Variants in CNTN4 observed in about 807,000 individuals in gnomAD.
CNTN4 encodes contactin 4.
In CNTN4, 77 loss-of-function variants were observed where a neutral mutation model predicts 122.5. The ratio of observed to expected loss-of-function variants is 0.63; its 90% CI spans 0.52 to 0.76. The LOEUF (loss-of-function observed/expected upper bound fraction) is 0.76. Among genes scored for constraint, CNTN4 ranks in the 30% least tolerant of loss-of-function variants. The probability of loss-of-function intolerance (pLI) is 0.00; values close to 1 mark genes in which losing one functional copy is unlikely to be tolerated. For synonymous variants in CNTN4, 512 were observed against 447.0 expected, an observed-to-expected ratio of 1.15 and a Z score of -1.83; for missense variants, 1,256 against 1,259.1, an observed-to-expected ratio of 1.00 and a Z score of 0.04.
intron 2 of CNTN4, among the ~76,000 whole-genome samples, chr3:2,335,212 T>A (rs2043897065): frequency 1.3e-5 from 2 of 152,158 alleles, no homozygotes; most frequent in Non-Finnish European, 2.9e-5. Flanking sequence ...CACATGTGAT[T>A]TTATTTAGTT....
intron 3 of CNTN4, among the ~76,000 whole-genome samples, chr3:2,352,699 C>T (rs1045108984): frequency 1.3e-5 from 2 of 152,198 alleles, no homozygotes; most frequent in Non-Finnish European, 2.9e-5. Context: ...TGGCTGGAGC[C>T]TCTCCGACAG....
chr3:2,108,183 T>TTTTC (rs760932599), intron 2 of CNTN4, among the ~76,000 whole-genome samples: 1 of 137,800 alleles, frequency 7.3e-6, no homozygotes, highest in Non-Finnish European at 1.6e-5. Flanking sequence ...TTTTTTTTTT[T>TTTTC]CATGACTGTT....
rs968052856 is a variant in CNTN4, at chr3:2,588,073, GT to G, written c.55+16525del. ...TTCTCTTTAATTTTTTATTAATTAT[GT>G]TTTTTTTTTACTTGAAGGAACTTTA... On this transcript the variant is annotated intron_variant, in intron 4 of 24. Coordinates refer to ENST00000418658, the MANE Select transcript of CNTN4 (RefSeq NM_175607.3). Among the ~76,000 whole-genome samples the G allele has an allele frequency of 1.9e-3, 273 of 147,270 alleles. 2 individuals carry two copies. The highest frequency in any genetic ancestry group is 5.7e-3 in the African/African-American group (231 of 40,234).
chr3:2,419,002 T>G (rs2047518886), intron 3 of CNTN4, among the ~76,000 whole-genome samples: 1 of 152,154 alleles, frequency 6.6e-6, no homozygotes, highest in Non-Finnish European at 1.5e-5. Context: ...CAGAATCTTA[T>G]GGGAAAAGTC....
At chr3:2,729,143 A>C (rs17019469) in intron 4 of CNTN4, among the ~76,000 whole-genome samples, 2 of 152,294 alleles carry the variant, frequency 1.3e-5, no homozygotes, top group East Asian at 3.9e-4. Flanking sequence ...AGCAAAAGAA[A>C]AGGGTGCTGT....
At chr3:2,747,441 A>G (rs1160946728) in intron 6 of CNTN4, among the ~76,000 whole-genome samples, 8 of 147,798 alleles carry the variant, frequency 5.4e-5, no homozygotes, top group African/African-American at 1.7e-4. Context: ...TAAAAAATAA[A>G]ATACTATACC....
chr3:2,603,608 A>C (rs1007594294), intron 4 of CNTN4, among the ~76,000 whole-genome samples: 1 of 152,214 alleles, frequency 6.6e-6, no homozygotes, highest in Non-Finnish European at 1.5e-5. Context: ...CTTACGTTTC[A>C]TGTCATATGG....
chr3:2,109,224 C>T (rs906925586), intron 2 of CNTN4, among the ~76,000 whole-genome samples: 8 of 152,056 alleles, frequency 5.3e-5, no homozygotes, highest in African/African-American at 1.9e-4. Flanking sequence ...TGCATAACCC[C>T]TAAGTACATA....
chr3:2,112,974 T>C (rs191506333), intron 2 of CNTN4, among the ~76,000 whole-genome samples: 12 of 152,318 alleles, frequency 7.9e-5, no homozygotes, highest in Middle Eastern at 6.8e-3. Flanking sequence ...CTATAGTTTC[T>C]AAGTAATTCT....
intron 4 of CNTN4, among the ~76,000 whole-genome samples, chr3:2,590,497 T>C (rs966922419): frequency 6.6e-6 from 1 of 151,914 alleles, no homozygotes; most frequent in African/African-American, 2.4e-5. Context: ...CCTCAAGTGA[T>C]CTGCCTGCCT....
rs1446618735 is a variant in CNTN4 at position 2,487,616 on chromosome 3, A to T, written c.-88-83800A>T. Among the ~76,000 whole-genome samples, 4 of 152,200 alleles carry T rather than the reference A, an allele frequency of 2.6e-5. No homozygotes were observed. In the East Asian group the frequency reaches 7.7e-4, roughly 29 times the overall value. ...CTTCAAATTAAAATAAAATGTGTGC[A>T]TGACTCTTTTTTTGTTTGTTTTGTT... On this transcript the variant is annotated intron_variant, in intron 3 of 24. Transcript: ENST00000418658.
intron 12 of CNTN4, among the ~76,000 whole-genome samples, chr3:2,920,755 T>C (rs763266899): frequency 5.9e-5 from 9 of 152,128 alleles, no homozygotes; most frequent in Non-Finnish European, 1.0e-4. Context: ...TCAATACATG[T>C]ATTATTTTAT....
intron 3 of CNTN4, among the ~76,000 whole-genome samples, chr3:2,472,830 G>T (rs1309235341): frequency 6.6e-6 from 1 of 152,162 alleles, no homozygotes; most frequent in Non-Finnish European, 1.5e-5. Flanking sequence ...TGAACTAAAA[G>T]TATAAGATTG....
At chr3:2,470,868 C>T (rs929312600) in intron 3 of CNTN4, among the ~76,000 whole-genome samples, 4 of 152,086 alleles carry the variant, frequency 2.6e-5, no homozygotes, top group Admixed American at 2.0e-4. Context: ...ATGTTTGAGA[C>T]GTCTGGTATA....
chr3:2,970,775 A>G (rs1692824548), intron 13 of CNTN4, among the ~76,000 whole-genome samples: 1 of 151,670 alleles, frequency 6.6e-6, no homozygotes, highest in African/African-American at 2.4e-5. Flanking sequence ...TGTTATATGG[A>G]TCATGTACTG....
chr3:2,317,293 A>T (rs2043138664), intron 2 of CNTN4, among the ~76,000 whole-genome samples: 1 of 152,190 alleles, frequency 6.6e-6, no homozygotes, highest in Non-Finnish European at 1.5e-5. Flanking sequence ...TTGGGGTTTC[A>T]TTTAACTCAA....
intron 2 of CNTN4, among the ~76,000 whole-genome samples, chr3:2,335,742 G>A (rs1559464050): frequency 6.6e-6 from 1 of 152,064 alleles, no homozygotes; most frequent in Admixed American, 6.5e-5. Flanking sequence ...TTTTCCCAGT[G>A]AGGTGTGAAT....
At chr3:2,138,218 A>G (rs2125318549) in intron 2 of CNTN4, among the ~76,000 whole-genome samples, 1 of 152,152 alleles carries the variant, frequency 6.6e-6, no homozygotes, top group South Asian at 2.1e-4. Flanking sequence ...GGCGCCCGCC[A>G]TCACGCCTGG....
chr3:2,877,060 T>G (rs7651306), intron 8 of CNTN4, among the ~76,000 whole-genome samples: 1 of 152,070 alleles, frequency 6.6e-6, no homozygotes, highest in African/African-American at 2.4e-5. Flanking sequence ...AGAACCATTG[T>G]TTTAGGAAAA....
Sources: gnomAD v4.1 joint callset for allele counts (sites outside exome capture counted in the v4.1 genomes callset) on GRCh38, gnomAD v4.1.1 for gene constraint, MANE v1.5 for transcripts, NCBI Gene and HGNC (gene_info 2026-07-23, HGNC 2026-07-21) for gene names.